ITPRID1: variants seen among roughly 807,000 people sequenced by gnomAD.
ITPRID1 encodes the protein ITPR interacting domain containing 1, also known as protein ITPRID1.
A neutral mutation model predicts 95.4 loss-of-function variants in ITPRID1; 96 were observed. That is an observed-to-expected ratio of 1.01 (90% CI 0.85 to 1.19). ITPRID1 has a LOEUF of 1.19. Among genes scored for constraint, ITPRID1 ranks in the 50% most tolerant of loss-of-function variants. ITPRID1 has a pLI of 0.00. For synonymous variants in ITPRID1, 510 were observed against 453.6 expected (o/e 1.12, Z -1.58); for missense variants, 1,339 against 1,252.9 (o/e 1.07, Z -1.04).
At chr7:31,649,443 A>G (rs1445551829) in intron 12 of ITPRID1, among the ~76,000 whole-genome samples, 1 of 152,200 alleles carries the variant, frequency 6.6e-6, no homozygotes, top group Non-Finnish European at 1.5e-5. Context: ...CAGAAGCCCC[A>G]CAGCATGCTC....
intron 10 of ITPRID1, among the ~76,000 whole-genome samples, chr7:31,622,124 A>G (rs919356522): frequency 3.6e-5 from 5 of 137,370 alleles, no homozygotes; most frequent in Non-Finnish European, 7.9e-5. Context: ...AGTGACCTAC[A>G]AAGAGACTTA....
At chr7:31,599,586 TTTCTTTC>T (rs1183127350) in intron 10 of ITPRID1, among the ~76,000 whole-genome samples, 1 of 33,326 alleles carries the variant, frequency 3.0e-5, no homozygotes, top group Non-Finnish European at 6.4e-5. Flanking sequence ...GTTGTGTTAT[TTTCTTTC>T]TTTCTTTCTT....
At chr7:31,588,924 A>G (rs1218869698) in intron 10 of ITPRID1, among the ~76,000 whole-genome samples, 1 of 152,074 alleles carries the variant, frequency 6.6e-6, no homozygotes, top group Non-Finnish European at 1.5e-5. Context: ...ACCATTCACA[A>G]TATTCAGGAA....
intron 12 of ITPRID1, among the ~76,000 whole-genome samples, chr7:31,649,745 A>G (rs535555140): frequency 6.6e-6 from 1 of 152,294 alleles, no homozygotes; most frequent in Admixed American, 6.5e-5. Context: ...CCAACCCAGG[A>G]TGCAAAACAA....
At chr7:31,591,921 T>C (rs1258937925) in intron 10 of ITPRID1, among the ~76,000 whole-genome samples, 1 of 152,168 alleles carries the variant, frequency 6.6e-6, no homozygotes, top group Non-Finnish European at 1.5e-5. Flanking sequence ...ATAAAATGTA[T>C]AAAGTAGAAG....
chr7:31,650,740 G>A (rs1431726930), intron 12 of ITPRID1, among the ~76,000 whole-genome samples: 1 of 152,156 alleles, frequency 6.6e-6, no homozygotes, highest in Non-Finnish European at 1.5e-5. Context: ...CAATGTTATT[G>A]ATACTCAGAG....
intron 5 of ITPRID1, among the ~76,000 whole-genome samples, chr7:31,564,661 G>GT (rs1335329117): frequency 6.6e-6 from 1 of 152,172 alleles, no homozygotes; most frequent in East Asian, 1.9e-4. Context: ...AGCAGGAGTA[G>GT]TTTGTCTGTC....
chr7:31,590,079 G>C (rs1012838323), intron 10 of ITPRID1, among the ~76,000 whole-genome samples: 3 of 151,952 alleles, frequency 2.0e-5, no homozygotes, highest in Non-Finnish European at 2.9e-5. Context: ...TATATAGTTT[G>C]TTTTTTGAGG....
chr7:31,597,903 A>T (rs1699124719), intron 10 of ITPRID1, among the ~76,000 whole-genome samples: 1 of 152,220 alleles, frequency 6.6e-6, no homozygotes, highest in Non-Finnish European at 1.5e-5. Flanking sequence ...TAATTAAGAC[A>T]GGTGCCATAG....
At chr7:31,639,538 GT>G (rs796733772) in intron 10 of ITPRID1, among the ~76,000 whole-genome samples, 19,058 of 141,196 alleles carry the variant, frequency 0.13, 1,218 homozygotes, top group Non-Finnish European at 0.17. Context: ...GTTTGTTTTT[GT>G]TTTTTTTTTT....
intron 10 of ITPRID1, among the ~76,000 whole-genome samples, chr7:31,615,806 T>C (rs149129239): frequency 2.7e-5 from 4 of 150,622 alleles, no homozygotes; most frequent in Non-Finnish European, 5.9e-5. Context: ...CAGGCTGGAG[T>C]GCAGTGGTGC....
chr7:31,595,914 TATAGA>T (rs1256169910), intron 10 of ITPRID1, among the ~76,000 whole-genome samples: 2 of 151,956 alleles, frequency 1.3e-5, no homozygotes, highest in Non-Finnish European at 2.9e-5. Context: ...TAGTCACTGA[TATAGA>T]AAACAAATAA....
intron 6 of ITPRID1, among the ~76,000 whole-genome samples, chr7:31,570,473 C>T (rs1240821900): frequency 1.3e-5 from 2 of 152,200 alleles, no homozygotes; most frequent in East Asian, 3.8e-4. Context: ...CCTTCCTGCG[C>T]TTTTGTCACC....
intron 1 of ITPRID1, chr7:31,529,934 C>T (rs1783541598): frequency 2.8e-5 from 22 of 793,036 alleles, no homozygotes; most frequent in Middle Eastern, 2.3e-4. Flanking sequence ...GCAGCGATGG[C>T]GTGTTCTGAA....
intron 5 of ITPRID1, among the ~76,000 whole-genome samples, chr7:31,566,267 G>A (rs1009028052): frequency 3.9e-5 from 6 of 152,138 alleles, no homozygotes; most frequent in Non-Finnish European, 5.9e-5. Context: ...ATCTGAAAAC[G>A]GATCATTTCC....
rs7777558 is a variant in ITPRID1, at chr7:31,541,461, C to A, written c.-97-7965C>A. Among the ~76,000 whole-genome samples, 913 of 152,200 alleles carry A rather than the reference C, an allele frequency of 6.0e-3. 6 individuals carry two copies. Among genetic ancestry groups the A allele is most frequent in the African/African-American group, 0.019 (794 of 41,538 alleles). On this transcript the variant is annotated intron_variant, in intron 1 of 14. Transcript: ENST00000615280. ...CAAGACAACAATTGTTTATGGATGACAAAAAGTTTTAGGGTAGCCATAGTT... is the reference window on the plus strand; with the variant it reads ...CAAGACAACAATTGTTTATGGATGAAAAAAAGTTTTAGGGTAGCCATAGTT...
chr7:31,549,302 C>A, intron 1 of ITPRID1, 124 bp from the exon 2 acceptor site: 1 of 575,644 alleles, frequency 1.7e-6, no homozygotes, highest in South Asian at 4.0e-5. Flanking sequence ...AAAACATCTA[C>A]TTCTCAATCA....
At chr7:31,518,683 T>A (rs988825034) in intron 1 of ITPRID1, among the ~76,000 whole-genome samples, 8 of 152,258 alleles carry the variant, frequency 5.3e-5, no homozygotes, top group African/African-American at 1.9e-4. Context: ...TTTCTGTGTA[T>A]TGTAGAAAAA....
chr7:31,566,321 C>T (rs1784799565), intron 5 of ITPRID1, among the ~76,000 whole-genome samples: 1 of 152,214 alleles, frequency 6.6e-6, no homozygotes, highest in Admixed American at 6.5e-5. Context: ...AAGGCCAGAT[C>T]CCTGGCCTGA....
Sources: gnomAD v4.1 joint callset for allele counts (sites outside exome capture counted in the v4.1 genomes callset) on GRCh38, gnomAD v4.1.1 for gene constraint, MANE v1.5 for transcripts, NCBI Gene and HGNC (gene_info 2026-07-23, HGNC 2026-07-21) for gene names.